Variants in TRHDE observed in about 807,000 individuals in gnomAD.
TRHDE encodes thyrotropin-releasing hormone-degrading ectoenzyme.
TRHDE carries 72 observed loss-of-function variants against 125.7 expected under a neutral mutation model. The ratio of observed to expected loss-of-function variants is 0.57; its 90% CI spans 0.47 to 0.70. The LOEUF (loss-of-function observed/expected upper bound fraction) is 0.70. Among genes scored for constraint, TRHDE ranks in the 30% least tolerant of loss-of-function variants. The pLI is 0.00. For missense variants in TRHDE, 1,110 were observed against 1,327.1 expected (o/e 0.84, Z 2.54); for synonymous variants, 509 against 509.1 (o/e 1.00, Z 0.00).
intron 1 of TRHDE, among the ~76,000 whole-genome samples, chr12:72,276,784 C>T (rs577340689): frequency 1.3e-5 from 2 of 152,322 alleles, no homozygotes; most frequent in East Asian, 3.9e-4. Flanking sequence ...CACATGTCTA[C>T]ACACCAATAA....
At chr12:72,171,923 A>T (rs1876882950) in intron 2 of TRHDE, among the ~76,000 whole-genome samples, 1 of 152,192 alleles carries the variant, frequency 6.6e-6, no homozygotes, top group African/African-American at 2.4e-5. Context: ...AATGAGTGGG[A>T]TAATATACTA....
chr12:72,582,883 G>A (rs187981138), intron 12 of TRHDE, among the ~76,000 whole-genome samples: 16 of 152,036 alleles, frequency 1.1e-4, no homozygotes, highest in Admixed American at 5.2e-4. Flanking sequence ...AGGATGCTTC[G>A]TTTCAAAATT....
At chr12:72,453,699 G>A (rs995656283) in intron 3 of TRHDE, among the ~76,000 whole-genome samples, 1 of 152,198 alleles carries the variant, frequency 6.6e-6, no homozygotes, top group Non-Finnish European at 1.5e-5. Flanking sequence ...GGCCTAGGAG[G>A]ACAGAATGGC....
chr12:72,220,775 C>T (rs1369883800), intron 2 of TRHDE, among the ~76,000 whole-genome samples: 2 of 152,050 alleles, frequency 1.3e-5, no homozygotes, highest in Non-Finnish European at 2.9e-5. Flanking sequence ...TTTACATCAA[C>T]TTGTCTCTAA....
chr12:72,505,272 T>C (rs906787004), intron 6 of TRHDE, among the ~76,000 whole-genome samples: 3 of 152,170 alleles, frequency 2.0e-5, no homozygotes, highest in African/African-American at 7.2e-5. Flanking sequence ...ACAAATTAGA[T>C]CTGGTGAAAT....
rs552721628 is a variant in TRHDE, at chr12:72,573,186, T to C, written c.2132-2069T>C. On this transcript the variant is annotated intron_variant, in intron 10 of 18. Coordinates refer to ENST00000261180, the MANE Select transcript of TRHDE (RefSeq NM_013381.3). ...GAAACAACATTCTCAATATTTAAGTTTCAATTTTCATTCACCGAATTCAGA... is the reference window on the plus strand; with the variant it reads ...GAAACAACATTCTCAATATTTAAGTCTCAATTTTCATTCACCGAATTCAGA... Among the ~76,000 whole-genome samples, 3 of 152,030 alleles carry C rather than the reference T, an allele frequency of 2.0e-5. No homozygotes were observed. In the South Asian group the frequency reaches 6.2e-4, roughly 32 times the overall value.
At chr12:72,309,475 G>C (rs1868437473) in intron 2 of TRHDE, among the ~76,000 whole-genome samples, 1 of 152,040 alleles carries the variant, frequency 6.6e-6, no homozygotes, top group Non-Finnish European at 1.5e-5. Context: ...GGGGTAAAAA[G>C]CACAATTGGG....
chr12:72,649,017 T>C (rs1005152211), intron 15 of TRHDE, among the ~76,000 whole-genome samples: 11 of 151,768 alleles, frequency 7.2e-5, no homozygotes, highest in African/African-American at 2.4e-4. Flanking sequence ...AAAATTCCAA[T>C]GACACTTAAA....
intron 12 of TRHDE, among the ~76,000 whole-genome samples, chr12:72,581,172 C>A (rs1871208745): frequency 6.6e-6 from 1 of 152,074 alleles, no homozygotes; most frequent in South Asian, 2.1e-4. Flanking sequence ...AATTGGCAGC[C>A]AGATAAGGTG....
At chr12:72,515,654 C>T (rs1437494250) in intron 6 of TRHDE, among the ~76,000 whole-genome samples, 1 of 152,008 alleles carries the variant, frequency 6.6e-6, no homozygotes, top group East Asian at 1.9e-4. Flanking sequence ...AATTAGATCC[C>T]ATTTGTCAAT....
chr12:72,108,929 T>C (rs1011181009), intron 2 of TRHDE, among the ~76,000 whole-genome samples: 9 of 152,090 alleles, frequency 5.9e-5, no homozygotes, highest in African/African-American at 2.2e-4. Flanking sequence ...AGGTCTGCAA[T>C]ATAGAGCCAT....
intron 3 of TRHDE, among the ~76,000 whole-genome samples, chr12:72,421,790 A>T (rs1873966282): frequency 6.6e-6 from 1 of 152,236 alleles, no homozygotes; most frequent in Non-Finnish European, 1.5e-5. Context: ...TCACTTCTTG[A>T]TGCACACTTA....
intron 10 of TRHDE, among the ~76,000 whole-genome samples, chr12:72,570,440 G>A (rs1870661708): frequency 4.0e-5 from 6 of 151,874 alleles, no homozygotes; most frequent in Admixed American, 3.3e-4. Context: ...AATTAGCTGG[G>A]CATGGTGGTG....
intron 2 of TRHDE, among the ~76,000 whole-genome samples, chr12:72,336,604 A>G (rs1010027880): frequency 4.6e-5 from 7 of 152,198 alleles, no homozygotes; most frequent in African/African-American, 1.7e-4. Context: ...ATTTACAAAC[A>G]GTAGAAGCGT....
chr12:72,323,536 G>A (rs1869195074), intron 2 of TRHDE, among the ~76,000 whole-genome samples: 2 of 152,116 alleles, frequency 1.3e-5, no homozygotes, highest in South Asian at 2.1e-4. Context: ...TCATGGTCAT[G>A]TTTGTTCCAG....
chr12:72,355,324 C>A (rs1039036495), intron 2 of TRHDE, among the ~76,000 whole-genome samples: 2 of 151,488 alleles, frequency 1.3e-5, no homozygotes, highest in Non-Finnish European at 3.0e-5. Context: ...CAAGATTAAA[C>A]AAAGAGTGCA....
At chr12:72,544,167 T>C (rs1592525812) in intron 7 of TRHDE, among the ~76,000 whole-genome samples, 2 of 151,592 alleles carry the variant, frequency 1.3e-5, no homozygotes, top group Middle Eastern at 3.4e-3. Flanking sequence ...ACTGATTTAG[T>C]GTATCATCAG....
At chr12:72,540,108 ACC>A (rs1869068868) in intron 6 of TRHDE, among the ~76,000 whole-genome samples, 1 of 151,784 alleles carries the variant, frequency 6.6e-6, no homozygotes, top group African/African-American at 2.4e-5. Flanking sequence ...TGTTGGCTAA[ACC>A]ATGACAGTTG....
At chr12:72,096,578 T>C (rs1874927721) in intron 1 of TRHDE, among the ~76,000 whole-genome samples, 1 of 152,200 alleles carries the variant, frequency 6.6e-6, no homozygotes, top group Non-Finnish European at 1.5e-5. Context: ...TTTTCATTCC[T>C]TTTCTAAAAA....
Sources: gnomAD v4.1 joint callset for allele counts (sites outside exome capture counted in the v4.1 genomes callset) on GRCh38, gnomAD v4.1.1 for gene constraint, MANE v1.5 for transcripts, NCBI Gene and HGNC (gene_info 2026-07-23, HGNC 2026-07-21) for gene names.